Variants in TENM3 observed in about 807,000 individuals in gnomAD.
TENM3 encodes teneurin-3.
A neutral mutation model predicts 255.1 loss-of-function variants in TENM3; 63 were observed. The ratio of observed to expected loss-of-function variants is 0.25; its 90% CI spans 0.20 to 0.30. TENM3 has a LOEUF of 0.30. Among genes scored for constraint, TENM3 ranks in the 10% least tolerant of loss-of-function variants. The probability of loss-of-function intolerance (pLI) is 1.00; values close to 1 mark genes in which losing one functional copy is unlikely to be tolerated. For synonymous variants in TENM3, 1,306 were observed against 1,322.3 expected, an observed-to-expected ratio of 0.99 and a Z score of 0.27; for missense variants, 2,929 against 3,461.1, an observed-to-expected ratio of 0.85 and a Z score of 3.86.
chr4:181,912,370 G>C, the TENM3 span, among the ~76,000 whole-genome samples: 1 of 152,212 alleles, frequency 6.6e-6, no homozygotes, highest in African/African-American at 2.4e-5. Flanking sequence ...ATATGAAATG[G>C]TATGTGATAC....
chr4:182,653,060 T>TC, intron 5 of TENM3, among the ~76,000 whole-genome samples: 1 of 152,252 alleles, frequency 6.6e-6, no homozygotes, highest in South Asian at 2.1e-4. Flanking sequence ...ATTTTTTAAA[T>TC]TTTTTAAAAT....
At chr4:182,236,647 G>T (rs889657366) in intron 1 of TENM3, among the ~76,000 whole-genome samples, 1 of 152,136 alleles carries the variant, frequency 6.6e-6, no homozygotes, top group Non-Finnish European at 1.5e-5. Context: ...TTTCAACAAG[G>T]TTACTCTGGT....
intron 24 of TENM3, among the ~76,000 whole-genome samples, chr4:182,783,838 T>C (rs1765383803): frequency 6.6e-6 from 1 of 152,120 alleles, no homozygotes; most frequent in Non-Finnish European, 1.5e-5. Flanking sequence ...TTTCTTCCAG[T>C]TGATCGCATC....
chr4:181,866,199 G>A, the TENM3 span, among the ~76,000 whole-genome samples: 5 of 152,136 alleles, frequency 3.3e-5, no homozygotes, highest in African/African-American at 1.2e-4. Context: ...AAATTAACGT[G>A]CTATTTCTAT....
chr4:182,059,745 CAAAAAAAAAAAAAAAAAGAAAAA>C, the TENM3 span, among the ~76,000 whole-genome samples: 1 of 43,186 alleles, frequency 2.3e-5, no homozygotes, highest in African/African-American at 9.6e-5. Context: ...TCTGTCTCTA[CAAAAAAAAAAAAAAAAAGAAAAA>C]AAAAAAAAAG....
intron 3 of TENM3, among the ~76,000 whole-genome samples, chr4:182,503,480 C>T (rs1374703339): frequency 6.6e-6 from 1 of 152,194 alleles, no homozygotes; most frequent in Admixed American, 6.5e-5. Context: ...TCATGAAATG[C>T]ACTTACTACA....
intron 18 of TENM3, among the ~76,000 whole-genome samples, chr4:182,739,797 A>T (rs913411540): frequency 9.2e-5 from 14 of 152,202 alleles, no homozygotes; most frequent in African/African-American, 2.9e-4. Flanking sequence ...GCACTTCAGG[A>T]GGCCAAGGCA....
chr4:182,598,105 C>A (rs62339112), intron 3 of TENM3, among the ~76,000 whole-genome samples: 12 of 152,176 alleles, frequency 7.9e-5, no homozygotes, highest in African/African-American at 2.6e-4. Context: ...TTCTTGAGTC[C>A]GGGAGGTCAA....
intron 2 of TENM3, among the ~76,000 whole-genome samples, chr4:182,342,220 AAGAT>A (rs1483229472): frequency 6.6e-6 from 1 of 152,234 alleles, no homozygotes. Flanking sequence ...AATAGTAAAA[AAGAT>A]AGAGATAACT....
At chr4:182,400,763 G>T (rs1516538) in intron 3 of TENM3, among the ~76,000 whole-genome samples, 53,688 of 151,994 alleles carry the variant, frequency 0.35, 10,338 homozygotes, top group Admixed American at 0.51. Flanking sequence ...ATTCTCACTA[G>T]TGTTATTTCG....
At chr4:181,538,958 A>G in the TENM3 span, among the ~76,000 whole-genome samples, 1 of 152,220 alleles carries the variant, frequency 6.6e-6, no homozygotes, top group Non-Finnish European at 1.5e-5. Flanking sequence ...CTGTTGGGGA[A>G]AAAGTAAGTA....
chr4:182,744,093 CTTTTTT>C (rs957977132), intron 19 of TENM3: 27 of 451,868 alleles, frequency 6.0e-5, no homozygotes, highest in African/African-American at 1.2e-4. Context: ...ACTGTGCTTT[CTTTTTT>C]TTTTTTTTTT....
At chr4:182,416,074 C>T (rs912189116) in intron 3 of TENM3, among the ~76,000 whole-genome samples, 7 of 152,158 alleles carry the variant, frequency 4.6e-5, no homozygotes, top group African/African-American at 1.7e-4. Context: ...GTTTTAGAAT[C>T]CCTATGGTTA....
chr4:182,403,717 G>A (rs1196099837), intron 3 of TENM3, among the ~76,000 whole-genome samples: 1 of 152,158 alleles, frequency 6.6e-6, no homozygotes. Context: ...TCTTTTGGGT[G>A]AAAATTGTTT....
the TENM3 span, among the ~76,000 whole-genome samples, chr4:182,110,807 C>CATTCACGAT: frequency 0.014 from 2,081 of 152,284 alleles, 36 homozygotes; most frequent in East Asian, 0.051. Context: ...ATTGAATAGA[C>CATTCACGAT]ATTCACGATT....
At chr4:181,750,261 A>C in the TENM3 span, among the ~76,000 whole-genome samples, 1 of 152,142 alleles carries the variant, frequency 6.6e-6, no homozygotes, top group Admixed American at 6.5e-5. Context: ...GAGCAGAATT[A>C]TGAGTTCTTC....
At chr4:181,929,253 C>T in the TENM3 span, among the ~76,000 whole-genome samples, 1 of 151,888 alleles carries the variant, frequency 6.6e-6, no homozygotes, top group Non-Finnish European at 1.5e-5. Context: ...AGAGTCAAGA[C>T]CCATCAGTGT....
the TENM3 span, among the ~76,000 whole-genome samples, chr4:181,669,740 C>T: frequency 6.6e-6 from 1 of 152,134 alleles, no homozygotes; most frequent in Non-Finnish European, 1.5e-5. Context: ...ACACACCTGG[C>T]TGCCTGTTCA....
chr4:182,625,874 G>A (rs567571542), intron 4 of TENM3, among the ~76,000 whole-genome samples: 3 of 152,284 alleles, frequency 2.0e-5, no homozygotes, highest in East Asian at 3.9e-4. Flanking sequence ...TGAAAAGAGC[G>A]AGAATCTAGG....
Sources: gnomAD v4.1 joint callset for allele counts (sites outside exome capture counted in the v4.1 genomes callset) on GRCh38, gnomAD v4.1.1 for gene constraint, MANE v1.5 for transcripts, NCBI Gene and HGNC (gene_info 2026-07-23, HGNC 2026-07-21) for gene names.